WNK2: variants seen among roughly 807,000 people sequenced by gnomAD.
WNK2 encodes WNK lysine deficient protein kinase 2.
Under a neutral mutation model 192.1 loss-of-function variants are expected in WNK2, and 67 were observed. The observed-to-expected ratio is 0.35, with a 90% confidence interval of 0.29 to 0.43. The LOEUF is 0.43. WNK2 is among the 20% of genes least tolerant of loss of function. WNK2 has a pLI of 1.00. For synonymous variants in WNK2, 1,439 were observed against 1,393.9 expected (o/e 1.03, Z -0.72); for missense variants, 2,698 against 3,089.7 (o/e 0.87, Z 3.01).
At chr9:93,316,554 T>A (rs1368254350) in intron 28 of WNK2, 1 of 151,902 alleles carries the variant, frequency 6.6e-6, no homozygotes, top group African/African-American at 2.4e-5. Context: ...TTTTCCAGCT[T>A]CCTGTTGCTA....
chr9:93,317,285 G>C, intron 28 of WNK2: 1 of 590,314 alleles, frequency 1.7e-6, no homozygotes, highest in Non-Finnish European at 3.0e-6. Flanking sequence ...GGACACCCAG[G>C]TGTGTGGCCT....
intron 25 of WNK2, 30 bp from the exon 26 acceptor site, chr9:93,300,019 CTT>C (rs774057380): frequency 6.3e-7 from 1 of 1,590,986 alleles, no homozygotes; most frequent in South Asian, 1.1e-5. Flanking sequence ...ATGAGTGTCT[CTT>C]TGTTTTCTTC....
At chr9:93,291,147 G>A (rs1849282075) in intron 21 of WNK2, among the ~76,000 whole-genome samples, 1 of 152,206 alleles carries the variant, frequency 6.6e-6, no homozygotes, top group Admixed American at 6.5e-5. Flanking sequence ...GGACAGGGCA[G>A]AAGCAAGAGC....
chr9:93,254,019 C>T (rs763150471), intron 9 of WNK2, among the ~76,000 whole-genome samples: 9 of 152,082 alleles, frequency 5.9e-5, no homozygotes, highest in Non-Finnish European at 1.2e-4. Context: ...TGGGTTCAAG[C>T]GACTCCTCTG....
intron 2 of WNK2, among the ~76,000 whole-genome samples, chr9:93,228,969 G>A (rs1838276136): frequency 6.6e-6 from 1 of 152,160 alleles, no homozygotes. Context: ...GGTGCCTGGG[G>A]TTGGTGGTTC....
At chr9:93,244,932 TG>T (rs988900737) in intron 7 of WNK2, among the ~76,000 whole-genome samples, 3 of 152,272 alleles carry the variant, frequency 2.0e-5, no homozygotes, top group African/African-American at 7.2e-5. Flanking sequence ...TGAGTGGCCT[TG>T]GGGCTGGTTT....
chr9:93,268,194 C>A (rs529158506), intron 18 of WNK2, 129 bp downstream of exon 18: 2 of 1,238,366 alleles, frequency 1.6e-6, no homozygotes, highest in East Asian at 2.5e-5. Flanking sequence ...GGGCCCCAGT[C>A]TGGGGACAGC....
At chr9:93,310,931 TCC>T (rs1853535084) in intron 28 of WNK2, among the ~76,000 whole-genome samples, 2 of 152,174 alleles carry the variant, frequency 1.3e-5, no homozygotes, top group South Asian at 4.1e-4. Context: ...ACCACTGTAC[TCC>T]AGCCTGGGTG....
Position 93,300,053 on chromosome 9 carries a change from T to C in WNK2, c.6118T>C (p.Trp2040Arg), listed in dbSNP as rs772189186. ...CTTCCCTTTATATTCATTTGCAGGC[T>C]GGACGGTTTACCACCCAACGTCTGA... ...SDGGGARGQGWTVYHPTSERV... is the reference protein window; with the variant it reads ...SDGGGARGQGRTVYHPTSERV... The change falls in exon 26 of 30, where the codon TGG becomes CGG. Residue 2040 changes from tryptophan (W) to arginine (R), a missense_variant and splice_region_variant. Physicochemically the swap from Trp to Arg is moderately radical, Grantham distance 101. Coordinates refer to ENST00000427277, the MANE Select transcript of WNK2 (RefSeq NM_006648.4). 1.5e-5 allele frequency: 24 copies of C among 1,613,136 alleles called. No individual in the cohort carries two copies. Among genetic ancestry groups the C allele is most frequent in the Non-Finnish European group, 2.0e-5 (24 of 1,179,654 alleles).
rs1838407897 is a variant in WNK2, at chr9:93,229,690, C to T, written c.682-6C>T. 5 of 1,612,098 alleles carry T rather than the reference C, an allele frequency of 3.1e-6. No individual in the cohort carries two copies. Among genetic ancestry groups the T allele is most frequent in the Non-Finnish European group, 3.4e-6 (4 of 1,178,992 alleles). ...TTGCCCACTTAGCATGTCTCTTGCC[C>T]TGTAGGACCGGAAGCTCACCAAGCT... is the stretch of plus-strand genomic sequence containing the variant. On this transcript the variant is annotated splice_polypyrimidine_tract_variant and splice_region_variant and intron_variant, in intron 2 of 29. Transcript: ENST00000427277. The surrounding 1 kb of genome is among the most constrained non-coding windows in gnomAD (Gnocchi z 4.9).
At chr9:93,317,715 T>TG in intron 29 of WNK2, 84 bp downstream of exon 29, 1 of 1,522,918 alleles carries the variant, frequency 6.6e-7, no homozygotes, top group Non-Finnish European at 8.9e-7. Context: ...TCCAGTGTCC[T>TG]GGGGGCCCTG....
At chr9:93,241,598 C>T (rs558342578) in intron 7 of WNK2, among the ~76,000 whole-genome samples, 91 of 152,194 alleles carry the variant, frequency 6.0e-4, no homozygotes, top group Non-Finnish European at 1.1e-3. Context: ...GTGGGAGGGG[C>T]GGCTGCTCTG....
Position 93,292,925 on chromosome 9 carries a change from G to T in WNK2, c.5460G>T (p.Val1820=). ...AGGGCCCTCGGGCGAGACCCCCGGT[G>T]CAGAAGCAGGCGTCCCTGCCCGTGA... The part of the protein sequence containing the change: ...GDEGPRARPP[V]QKQASLPVSG... Residue 1820 remains valine (V), a synonymous_variant, in exon 23 of 30, where the codon GTG becomes GTT. Transcript: ENST00000427277. 6.5e-7 allele frequency: 1 copy of T among 1,528,580 alleles called. No individual in the cohort carries two copies. The allele number at this position is 1,528,580 out of a possible 1,614,324, so 94.7% of individuals were successfully genotyped here. A position where few individuals can be genotyped will look rare whatever the true frequency, so the allele number is the denominator to read the frequency against.
chr9:93,235,707 G>A (rs1339646585), intron 5 of WNK2, among the ~76,000 whole-genome samples: 3 of 152,218 alleles, frequency 2.0e-5, no homozygotes, highest in South Asian at 2.1e-4. Flanking sequence ...GACATGCGGC[G>A]TCTGCACTGA....
intron 2 of WNK2, among the ~76,000 whole-genome samples, chr9:93,196,211 C>G (rs1166814149): frequency 6.6e-6 from 1 of 152,050 alleles, no homozygotes; most frequent in Admixed American, 6.6e-5. Flanking sequence ...GGGTCACGGG[C>G]TCCCTCTGGT....
intron 27 of WNK2, 49 bp downstream of exon 27, chr9:93,306,870 T>G: frequency 6.2e-7 from 1 of 1,612,926 alleles, no homozygotes; most frequent in East Asian, 2.2e-5. Context: ...CGCATGGGCT[T>G]TCTCGTGGCT....
chr9:93,214,635 C>T (rs1388284388), intron 2 of WNK2, among the ~76,000 whole-genome samples: 1 of 147,864 alleles, frequency 6.8e-6, no homozygotes, highest in East Asian at 2.0e-4. Context: ...ATTGCATAGT[C>T]ATTTTACATG....
intron 8 of WNK2, among the ~76,000 whole-genome samples, chr9:93,250,417 G>A (rs557722926): frequency 7.4e-4 from 113 of 152,292 alleles, no homozygotes; most frequent in African/African-American, 2.5e-3. Flanking sequence ...ACATCCACAT[G>A]TGTGCACACA....
At position 93,185,503 on chromosome 9, in the gene WNK2, G is replaced by A; in HGVS notation, c.574G>A (p.Gly192Ser). The change falls in exon 2 of 30, where the codon GGC becomes AGC. Residue 192 changes from glycine (G) to serine (S), a missense_variant. By Grantham distance (56) the Gly-to-Ser change is moderately conservative. This residue lies in a region of WNK2 where 230 missense variants were observed against 501.1 expected (regional missense o/e 0.46). Coordinates refer to ENST00000427277, the MANE Select transcript of WNK2 (RefSeq NM_006648.4). ...DLKAVATSLD[G>S]RFLKFDIELG... is the part of the protein sequence containing the mutation. Reference sequence around the variant, plus strand: ...CAAGGCCGTGGCCACCTCTCTGGACGGCCGCTTCCTCAAGTTCGACATCGA... The same window carrying A: ...CAAGGCCGTGGCCACCTCTCTGGACAGCCGCTTCCTCAAGTTCGACATCGA... 1.2e-6 allele frequency: 2 copies of A among 1,612,898 alleles called. No homozygotes were observed. The highest frequency in any genetic ancestry group is 1.7e-6 in the Non-Finnish European group (2 of 1,179,748).
Sources: allele counts gnomAD v4.1 joint callset (sites outside exome capture counted in the v4.1 genomes callset), GRCh38; gene constraint gnomAD v4.1.1; regional missense constraint gnomAD v4.1.1; non-coding constraint Gnocchi (gnomAD v3.1); transcripts MANE v1.5; gene names NCBI Gene and HGNC (gene_info 2026-07-23, HGNC 2026-07-21).